Variants in SLC28A1 observed in about 807,000 individuals in gnomAD.
SLC28A1 encodes sodium/nucleoside cotransporter 1.
SLC28A1 carries 64 observed loss-of-function variants against 74.8 expected under a neutral mutation model. The observed-to-expected ratio is 0.86, with a 90% confidence interval of 0.70 to 1.05. SLC28A1 has a LOEUF of 1.05. Among genes scored for constraint, SLC28A1 ranks in the 50% least tolerant of loss-of-function variants. The pLI, the probability that SLC28A1 is intolerant of heterozygous loss-of-function variation, is 0.00. For missense variants in SLC28A1, 828 were observed against 822.8 expected (o/e 1.01, Z -0.08); for synonymous variants, 359 against 335.0 (o/e 1.07, Z -0.78).
intron 6 of SLC28A1, among the ~76,000 whole-genome samples, chr15:84,903,867 C>G (rs1439397171): frequency 1.3e-5 from 2 of 152,136 alleles, no homozygotes; most frequent in African/African-American, 4.8e-5. Context: ...CTTCATTTGA[C>G]CCATGAGGAA....
intron 11 of SLC28A1, among the ~76,000 whole-genome samples, chr15:84,922,321 C>T (rs540407829): frequency 6.6e-6 from 1 of 152,280 alleles, no homozygotes; most frequent in Non-Finnish European, 1.5e-5. Flanking sequence ...ACGCTAAGTC[C>T]AAACAACCTG....
chr15:84,962,946 C>T, the SLC28A1 span, among the ~76,000 whole-genome samples: 2 of 152,100 alleles, frequency 1.3e-5, no homozygotes, highest in Admixed American at 1.3e-4. Flanking sequence ...AGGGTGACTC[C>T]AAATCAGCAG....
chr15:84,947,811 G>A (rs1423892668), downstream of SLC28A1, among the ~76,000 whole-genome samples: 1 of 152,156 alleles, frequency 6.6e-6, no homozygotes, highest in Non-Finnish European at 1.5e-5. Context: ...CACCTTGGGG[G>A]CTAGGATTTC....
the SLC28A1 span, among the ~76,000 whole-genome samples, chr15:84,957,251 TTTTG>T: frequency 1.3e-5 from 2 of 152,012 alleles, no homozygotes; most frequent in African/African-American, 2.4e-5. Context: ...GCACGTAGTT[TTTTG>T]TTTGTTTGTT....
chr15:84,905,832 C>G (rs1967019164), intron 8 of SLC28A1, among the ~76,000 whole-genome samples, 180 bp downstream of exon 8: 1 of 151,930 alleles, frequency 6.6e-6, no homozygotes, highest in East Asian at 1.9e-4. Flanking sequence ...GCAGCTGCCA[C>G]TTCCCTCATG....
intron 11 of SLC28A1, among the ~76,000 whole-genome samples, chr15:84,922,697 C>T (rs1969983821): frequency 1.3e-5 from 2 of 152,264 alleles, no homozygotes; most frequent in Admixed American, 1.3e-4. Context: ...TTCCTAGCCC[C>T]TCTGTGGCCC....
At chr15:84,920,243 C>T (rs762806235) in intron 10 of SLC28A1, among the ~76,000 whole-genome samples, 2 of 152,174 alleles carry the variant, frequency 1.3e-5, no homozygotes, top group Non-Finnish European at 2.9e-5. Context: ...GTCAGGAGTT[C>T]GAGACCAGTC....
intron 12 of SLC28A1, among the ~76,000 whole-genome samples, chr15:84,924,715 T>C (rs1316257443): frequency 6.6e-6 from 1 of 152,222 alleles, no homozygotes; most frequent in East Asian, 1.9e-4. Flanking sequence ...CCGGTAATAA[T>C]GCTTTACATT....
intron 4 of SLC28A1, among the ~76,000 whole-genome samples, chr15:84,890,043 C>T (rs904226786): frequency 2.0e-5 from 3 of 152,100 alleles, no homozygotes; most frequent in African/African-American, 7.2e-5. Context: ...TCATGTTGCC[C>T]AGGCTAGTCT....
intron 15 of SLC28A1, among the ~76,000 whole-genome samples, chr15:84,942,666 G>A (rs2142053196): frequency 6.6e-6 from 1 of 152,278 alleles, no homozygotes; most frequent in Middle Eastern, 3.4e-3. Flanking sequence ...AATCCTAGAA[G>A]CCAGGCTGGC....
intron 15 of SLC28A1, among the ~76,000 whole-genome samples, chr15:84,941,404 A>T (rs1005985137): frequency 1.3e-5 from 2 of 151,570 alleles, no homozygotes; most frequent in African/African-American, 4.9e-5. Context: ...ATGGGGTTTC[A>T]CCATGTTAGC....
At chr15:84,927,498 T>C (rs980224557) in intron 12 of SLC28A1, among the ~76,000 whole-genome samples, 2 of 151,900 alleles carry the variant, frequency 1.3e-5, no homozygotes, top group African/African-American at 2.4e-5. Context: ...TCTTGGGCTC[T>C]CTGAGCATTT....
intron 15 of SLC28A1, among the ~76,000 whole-genome samples, chr15:84,936,325 T>C (rs1971932059): frequency 6.6e-6 from 1 of 152,038 alleles, no homozygotes; most frequent in African/African-American, 2.4e-5. Context: ...TGGCACATTC[T>C]TAGCTCACTG....
chr15:84,916,202 T>C (rs148940526), intron 9 of SLC28A1, among the ~76,000 whole-genome samples: 1,867 of 145,714 alleles, frequency 0.013, 47 homozygotes, highest in Middle Eastern at 0.042. Context: ...TGACCTCAAA[T>C]GATCCACCTG....
At chr15:84,925,728 G>A (rs942267117) in intron 12 of SLC28A1, among the ~76,000 whole-genome samples, 4 of 152,036 alleles carry the variant, frequency 2.6e-5, no homozygotes, top group Non-Finnish European at 5.9e-5. Flanking sequence ...TTCTGTGTAA[G>A]TAGGCTTTTA....
intron 16 of SLC28A1, among the ~76,000 whole-genome samples, chr15:84,944,101 A>G (rs1365097825): frequency 2.0e-5 from 3 of 152,172 alleles, no homozygotes; most frequent in Admixed American, 2.0e-4. Context: ...CACAGTGGAC[A>G]GGCAGGCAGG....
At chr15:84,970,359 C>G in the SLC28A1 span, among the ~76,000 whole-genome samples, 1 of 152,336 alleles carries the variant, frequency 6.6e-6, no homozygotes, top group Non-Finnish European at 1.5e-5. Context: ...ATGCCCGTGA[C>G]TAACCAATCT....
Position 84,945,353 on chromosome 15 carries a change from G to A in SLC28A1, c.*153G>A. The A allele has an allele frequency of 5.6e-6, 4 of 720,574 alleles. No individual in the cohort carries two copies. Among genetic ancestry groups the A allele is most frequent in the Non-Finnish European group, 1.0e-5 (4 of 395,104 alleles). 44.6% of individuals were successfully genotyped at this position (720,574 alleles called of 1,614,324 possible). ...CAATTGGGAAGGGTTCATGGAGTGA[G>A]TGTGCAGAGAGTGAGTGAGGACATA... On this transcript the variant is annotated 3_prime_UTR_variant, in exon 19 of 19. Coordinates refer to ENST00000394573, the MANE Select transcript of SLC28A1 (RefSeq NM_004213.5).
chr15:84,971,402 T>C, the SLC28A1 span, among the ~76,000 whole-genome samples: 2 of 152,128 alleles, frequency 1.3e-5, no homozygotes, highest in Non-Finnish European at 2.9e-5. Context: ...GCCATCCTCA[T>C]CCTCAATGAG....
Sources: gnomAD v4.1 joint callset for allele counts (sites outside exome capture counted in the v4.1 genomes callset) on GRCh38, gnomAD v4.1.1 for gene constraint, MANE v1.5 for transcripts, NCBI Gene and HGNC (gene_info 2026-07-23, HGNC 2026-07-21) for gene names.